The following RAB33A variants were observed in gnomAD, a reference collection of about 807,000 sequenced individuals.
RAB33A encodes the protein ras-related protein Rab-33A.
Under a neutral mutation model 12.0 loss-of-function variants are expected in RAB33A, and 6 were observed. The observed-to-expected ratio is 0.50, with a 90% CI of 0.27 to 0.99. The LOEUF is 0.99. Ranked by LOEUF, RAB33A falls within the 50% of genes least tolerant of loss-of-function variation. The pLI is 0.11. For synonymous variants in RAB33A, 70 were observed against 82.4 expected, an observed-to-expected ratio of 0.85 and a Z score of 0.81; for missense variants, 109 against 192.0, an observed-to-expected ratio of 0.57 and a Z score of 2.55.
intron 1 of RAB33A, among the ~76,000 whole-genome samples, chrX:130,173,566 C>T (rs778819853): frequency 1.8e-5 from 2 of 112,234 alleles, no homozygotes; most frequent in East Asian, 5.6e-4. Context: ...GCTTCAGAAA[C>T]TAGGCCAACT....
chrX:130,163,642 C>T, the RAB33A span, among the ~76,000 whole-genome samples: 1 of 112,231 alleles, frequency 8.9e-6, no homozygotes, highest in Non-Finnish European at 1.9e-5. Flanking sequence ...AGTAGACTGC[C>T]TTCAAACAAA....
the RAB33A span, among the ~76,000 whole-genome samples, chrX:130,134,718 G>A: frequency 9.0e-6 from 1 of 111,123 alleles, no homozygotes; most frequent in Non-Finnish European, 1.9e-5. Context: ...GCTTCATGAA[G>A]GATGTGGCAT....
At chrX:130,157,324 T>C in the RAB33A span, among the ~76,000 whole-genome samples, 1 of 112,495 alleles carries the variant, frequency 8.9e-6, no homozygotes, top group Non-Finnish European at 1.9e-5. Context: ...CACCTGTACA[T>C]AGAAATATAA....
At chrX:130,140,495 C>T in the RAB33A span, 1 of 1,102,563 alleles carries the variant, frequency 9.1e-7, no homozygotes, top group Non-Finnish European at 1.3e-6. Flanking sequence ...CTTGAATGAG[C>T]TGTATCAGGG....
chrX:130,116,784 T>C, the RAB33A span, among the ~76,000 whole-genome samples: 1 of 112,379 alleles, frequency 8.9e-6, no homozygotes, highest in African/African-American at 3.2e-5. Context: ...GATGAGAGGA[T>C]GGAGTTGGTA....
At chrX:130,157,480 T>A in the RAB33A span, among the ~76,000 whole-genome samples, 3 of 112,080 alleles carry the variant, frequency 2.7e-5, no homozygotes, top group African/African-American at 9.7e-5. Context: ...AACCAGATGG[T>A]AAATATTTTC....
the RAB33A span, among the ~76,000 whole-genome samples, chrX:130,160,415 C>A: frequency 1.8e-5 from 2 of 112,045 alleles, no homozygotes; most frequent in Non-Finnish European, 3.8e-5. Context: ...ACATACAATG[C>A]AATTTCTTCC....
the RAB33A span, among the ~76,000 whole-genome samples, chrX:130,116,951 C>G: frequency 6.2e-5 from 7 of 112,278 alleles, no homozygotes; most frequent in Admixed American, 1.9e-4. Context: ...CTGTGGCTCA[C>G]GCCTGTAATC....
At chrX:130,163,240 G>A in the RAB33A span, among the ~76,000 whole-genome samples, 18 of 107,466 alleles carry the variant, frequency 1.7e-4, no homozygotes, top group African/African-American at 6.1e-4. Flanking sequence ...AACCCAGCAG[G>A]CAGAGGTTGC....
chrX:130,116,782 G>C, the RAB33A span, among the ~76,000 whole-genome samples: 10 of 112,502 alleles, frequency 8.9e-5, no homozygotes, highest in African/African-American at 3.2e-5. Context: ...CAGATGAGAG[G>C]ATGGAGTTGG....
the RAB33A span, among the ~76,000 whole-genome samples, chrX:130,164,839 C>A: frequency 9.0e-6 from 1 of 111,654 alleles, no homozygotes; most frequent in African/African-American, 3.3e-5. Context: ...CCTCTCTGTG[C>A]CTCAGTTTAT....
At chrX:130,127,590 G>T in the RAB33A span, among the ~76,000 whole-genome samples, 5 of 109,336 alleles carry the variant, frequency 4.6e-5, no homozygotes, top group African/African-American at 1.7e-4. Flanking sequence ...TTTTCTTAAT[G>T]ATTTGTGGAA....
At chrX:130,113,227 C>T in the RAB33A span, among the ~76,000 whole-genome samples, 1 of 102,868 alleles carries the variant, frequency 9.7e-6, no homozygotes, top group Non-Finnish European at 2.0e-5. Context: ...ACTACAGGAA[C>T]CCGCCACCAT....
chrX:130,138,666 C>T, the RAB33A span: 1 of 1,209,287 alleles, frequency 8.3e-7, no homozygotes, highest in Non-Finnish European at 1.1e-6. Context: ...ATTTGACTTC[C>T]CGTGAAATCT....
the RAB33A span, among the ~76,000 whole-genome samples, chrX:130,136,360 T>C: frequency 2.6e-4 from 29 of 112,238 alleles, no homozygotes; most frequent in East Asian, 5.1e-3. Flanking sequence ...CCCCATCCCA[T>C]GCACATCCCC....
At chrX:130,146,451 A>ATGTGTGTG in the RAB33A span, among the ~76,000 whole-genome samples, 906 of 89,411 alleles carry the variant, frequency 0.01, 15 homozygotes, top group African/African-American at 0.03. Context: ...CTCTCAAAAT[A>ATGTGTGTG]TGTGTGTGTG....
At chrX:130,111,521 G>T in the RAB33A span, among the ~76,000 whole-genome samples, 1 of 112,638 alleles carries the variant, frequency 8.9e-6, no homozygotes, top group East Asian at 2.8e-4. Context: ...GCCCGACTCC[G>T]CAGAATCCTG....
chrX:130,181,487 G>T (rs2031726712), intron 1 of RAB33A, among the ~76,000 whole-genome samples: 1 of 112,021 alleles, frequency 8.9e-6, no homozygotes, highest in African/African-American at 3.2e-5. Context: ...CAAGACGTTG[G>T]ATATATAAAG....
At chrX:130,115,859 T>G in the RAB33A span, among the ~76,000 whole-genome samples, 1 of 111,208 alleles carries the variant, frequency 9.0e-6, no homozygotes, top group African/African-American at 3.3e-5. Flanking sequence ...TAATCCTTCC[T>G]ATAAAGCCAG....
Sources: gnomAD v4.1 joint callset for allele counts (sites outside exome capture counted in the v4.1 genomes callset) on GRCh38, gnomAD v4.1.1 for gene constraint, MANE v1.5 for transcripts, NCBI Gene and HGNC (gene_info 2026-07-23, HGNC 2026-07-21) for gene names.